The following ZSWIM6 variants were observed in gnomAD, a reference collection of about 807,000 sequenced individuals.
ZSWIM6 encodes the protein zinc finger SWIM-type containing 6.
A neutral mutation model predicts 113.2 loss-of-function variants in ZSWIM6; 9 were observed. That is an observed-to-expected ratio of 0.08 (90% CI 0.05 to 0.14). The LOEUF is 0.14. Ranked by LOEUF, ZSWIM6 falls within the 10% of genes least tolerant of loss-of-function variation. The pLI is 1.00. For synonymous variants in ZSWIM6, 611 were observed against 606.5 expected, an observed-to-expected ratio of 1.01 and a Z score of -0.11; for missense variants, 1,162 against 1,552.2, an observed-to-expected ratio of 0.75 and a Z score of 4.22.
chr5:61,334,363 C>T (rs1744342606), intron 1 of ZSWIM6, among the ~76,000 whole-genome samples: 1 of 152,206 alleles, frequency 6.6e-6, no homozygotes, highest in African/African-American at 2.4e-5. Flanking sequence ...TTCTGACCCC[C>T]TCCCATGTTA....
At chr5:61,356,741 A>ATATATATATTATATATAATATGTAT (rs1561205431) in intron 1 of ZSWIM6, among the ~76,000 whole-genome samples, 4 of 108,306 alleles carry the variant, frequency 3.7e-5, no homozygotes, top group African/African-American at 1.4e-4. Flanking sequence ...AATATATATT[A>ATATATATATTATATATAATATGTAT]TATATATATA....
chr5:61,492,853 A>T (rs988370594), intron 3 of ZSWIM6, among the ~76,000 whole-genome samples: 5 of 152,184 alleles, frequency 3.3e-5, no homozygotes, highest in South Asian at 2.1e-4. Context: ...TTTATTGAAG[A>T]TCTACTATTT....
chr5:61,487,196 C>T (rs555097081), intron 2 of ZSWIM6, among the ~76,000 whole-genome samples: 3 of 151,978 alleles, frequency 2.0e-5, no homozygotes, highest in African/African-American at 2.4e-5. Context: ...ATGATCAGTT[C>T]GTTGTAAATA....
chr5:61,470,366 G>A (rs989989664), intron 1 of ZSWIM6, among the ~76,000 whole-genome samples: 6 of 152,190 alleles, frequency 3.9e-5, no homozygotes, highest in Admixed American at 3.3e-4. Context: ...TACAGAATGT[G>A]CTTGGGAACT....
chr5:61,459,414 A>T (rs1477166919), intron 1 of ZSWIM6, among the ~76,000 whole-genome samples: 1 of 152,178 alleles, frequency 6.6e-6, no homozygotes, highest in East Asian at 1.9e-4. Context: ...GTAAGTAAAA[A>T]CACATTTCTA....
At chr5:61,501,476 T>C (rs943218981) in intron 4 of ZSWIM6, among the ~76,000 whole-genome samples, 1 of 152,166 alleles carries the variant, frequency 6.6e-6, no homozygotes, top group Non-Finnish European at 1.5e-5. Flanking sequence ...ATTAAAAAAA[T>C]AGATTTTCAG....
At chr5:61,340,153 C>A (rs1196622006) in intron 1 of ZSWIM6, among the ~76,000 whole-genome samples, 1 of 151,928 alleles carries the variant, frequency 6.6e-6, no homozygotes, top group Non-Finnish European at 1.5e-5. Flanking sequence ...TATTTTTTTT[C>A]ATCTAGAAAA....
chr5:61,343,004 T>C (rs1744580627), intron 1 of ZSWIM6, among the ~76,000 whole-genome samples: 1 of 152,210 alleles, frequency 6.6e-6, no homozygotes, highest in South Asian at 2.1e-4. Flanking sequence ...AGAAATTAAC[T>C]TGCAGGTTAG....
chr5:61,366,134 G>A (rs914501462), intron 1 of ZSWIM6, among the ~76,000 whole-genome samples: 1 of 152,164 alleles, frequency 6.6e-6, no homozygotes, highest in Admixed American at 6.5e-5. Flanking sequence ...GGCTCTCAGC[G>A]ATCTGCCCGC....
At chr5:61,530,522 C>T (rs1410756925) in intron 8 of ZSWIM6, among the ~76,000 whole-genome samples, 1 of 152,192 alleles carries the variant, frequency 6.6e-6, no homozygotes, top group Non-Finnish European at 1.5e-5. Context: ...AGATGTACAT[C>T]TTAGCATTTA....
At chr5:61,403,905 G>A (rs1291029777) in intron 1 of ZSWIM6, among the ~76,000 whole-genome samples, 2 of 152,166 alleles carry the variant, frequency 1.3e-5, no homozygotes, top group East Asian at 1.9e-4. Context: ...ATATTTTTGA[G>A]TAGCTTTCCT....
chr5:61,478,890 G>T lies in ZSWIM6; in HGVS notation c.1033+5853G>T, dbSNP rs141597604. On this transcript the variant is annotated intron_variant, in intron 2 of 13. Coordinates refer to ENST00000252744, the MANE Select transcript of ZSWIM6 (RefSeq NM_020928.2). ...GATGTTTCTATAAGAATGGTTTTAG[G>T]CTGGGCTTGGTGGCTCATGCCTGTA... Among the ~76,000 whole-genome samples the T allele has an allele frequency of 1.4e-4, 22 of 152,260 alleles. No homozygotes were observed. In the East Asian group the frequency reaches 4.2e-3, roughly 29 times the overall value.
At chr5:61,485,280 T>G (rs993262104) in intron 2 of ZSWIM6, among the ~76,000 whole-genome samples, 1 of 152,178 alleles carries the variant, frequency 6.6e-6, no homozygotes, top group Non-Finnish European at 1.5e-5. Flanking sequence ...GGCCACTCAT[T>G]TCCTTTGACA....
intron 1 of ZSWIM6, among the ~76,000 whole-genome samples, chr5:61,445,869 A>G (rs1746942166): frequency 6.6e-6 from 1 of 152,212 alleles, no homozygotes. Flanking sequence ...GCCTAGAAAC[A>G]CAAATGATGG....
chr5:61,365,149 C>T (rs921495670), intron 1 of ZSWIM6, among the ~76,000 whole-genome samples: 4 of 151,978 alleles, frequency 2.6e-5, no homozygotes, highest in South Asian at 2.1e-4. Context: ...GTCAGGAGTT[C>T]GAGAACAGCC....
At chr5:61,479,742 A>G (rs573123646) in intron 2 of ZSWIM6, among the ~76,000 whole-genome samples, 18 of 152,308 alleles carry the variant, frequency 1.2e-4, no homozygotes, top group Admixed American at 5.2e-4. Flanking sequence ...GAATGTCTTC[A>G]GGCCTCAGTT....
chr5:61,414,289 G>A (rs1054814026), intron 1 of ZSWIM6, among the ~76,000 whole-genome samples: 41 of 152,038 alleles, frequency 2.7e-4, no homozygotes, highest in African/African-American at 9.7e-4. Flanking sequence ...GGCATTGGAT[G>A]GGATGGGGAA....
chr5:61,463,615 C>T (rs1747362814), intron 1 of ZSWIM6, among the ~76,000 whole-genome samples: 1 of 152,192 alleles, frequency 6.6e-6, no homozygotes, highest in Non-Finnish European at 1.5e-5. Context: ...TTAACAAATT[C>T]TTCTGGAGTA....
intron 3 of ZSWIM6, among the ~76,000 whole-genome samples, chr5:61,491,254 C>G (rs2112214926): frequency 6.6e-6 from 1 of 151,640 alleles, no homozygotes; most frequent in South Asian, 2.1e-4. Context: ...CAAGTTTTTC[C>G]CTTTCTAGTT....
Sources: allele counts gnomAD v4.1 joint callset (sites outside exome capture counted in the v4.1 genomes callset), GRCh38; gene constraint gnomAD v4.1.1; transcripts MANE v1.5; gene names NCBI Gene and HGNC (gene_info 2026-07-23, HGNC 2026-07-21).